Variants in PCDH9 observed in about 807,000 individuals in gnomAD.
The protein encoded by PCDH9 is protocadherin-9.
Under a neutral mutation model 70.6 loss-of-function variants are expected in PCDH9, and 24 were observed. The observed-to-expected ratio is 0.34, with a 90% CI of 0.25 to 0.48. The LOEUF (loss-of-function observed/expected upper bound fraction) is 0.48. PCDH9 is among the 20% of genes least tolerant of loss of function. The pLI, the probability that PCDH9 is intolerant of heterozygous loss-of-function variation, is 0.99. For synonymous variants in PCDH9, 562 were observed against 558.5 expected (o/e 1.01, Z -0.09); for missense variants, 1,281 against 1,503.6 (o/e 0.85, Z 2.45).
Position 67,141,141 on chromosome 13 carries a change from G to C in PCDH9, c.3036+84264C>G, listed in dbSNP as rs529252936. On this transcript the variant is annotated intron_variant, in intron 2 of 4. Coordinates refer to ENST00000377865, the MANE Select transcript of PCDH9 (RefSeq NM_203487.3). ...GAGTTTAGAATGGCTTTATCATTTTGTTTGGAATTCCAAAAAGCCTTACGA... is the reference window on the plus strand; with the variant it reads ...GAGTTTAGAATGGCTTTATCATTTTCTTTGGAATTCCAAAAAGCCTTACGA... Among the ~76,000 whole-genome samples, 3 of 152,272 alleles carry C rather than the reference G, an allele frequency of 2.0e-5. No homozygotes were observed. In the East Asian group the frequency reaches 5.8e-4, roughly 29 times the overall value.
At chr13:66,567,001 A>T (rs1369236775) in intron 4 of PCDH9, among the ~76,000 whole-genome samples, 1 of 152,180 alleles carries the variant, frequency 6.6e-6, no homozygotes, top group Admixed American at 6.5e-5. Flanking sequence ...AGGCAAAATA[A>T]AAATGATATA....
chr13:66,593,700 A>G (rs1405003980), intron 4 of PCDH9, among the ~76,000 whole-genome samples: 1 of 151,758 alleles, frequency 6.6e-6, no homozygotes, highest in Non-Finnish European at 1.5e-5. Context: ...TTCTTTTTGA[A>G]GCAGGAAGGG....
intron 4 of PCDH9, among the ~76,000 whole-genome samples, chr13:66,412,392 T>G (rs1240797520): frequency 1.3e-5 from 2 of 152,164 alleles, no homozygotes; most frequent in Non-Finnish European, 2.9e-5. Flanking sequence ...TGCACTACAT[T>G]AAGAGAAACA....
intron 2 of PCDH9, among the ~76,000 whole-genome samples, chr13:67,027,366 T>G (rs961584139): frequency 6.6e-6 from 1 of 152,208 alleles, no homozygotes; most frequent in South Asian, 2.1e-4. Flanking sequence ...GCTAGCCATA[T>G]GTAGAAAGCT....
intron 4 of PCDH9, among the ~76,000 whole-genome samples, chr13:66,576,609 A>T (rs576650170): frequency 6.6e-6 from 1 of 152,230 alleles, no homozygotes; most frequent in African/African-American, 2.4e-5. Context: ...TTTTGGAATC[A>T]TAATTACGTA....
intron 4 of PCDH9, among the ~76,000 whole-genome samples, chr13:66,428,627 A>G (rs1957714830): frequency 1.3e-5 from 2 of 151,886 alleles, no homozygotes; most frequent in African/African-American, 4.8e-5. Context: ...AATAATGTCT[A>G]CCATAAAGCT....
At chr13:66,622,348 A>G (rs924791244) in intron 4 of PCDH9, among the ~76,000 whole-genome samples, 1 of 152,276 alleles carries the variant, frequency 6.6e-6, no homozygotes, top group Non-Finnish European at 1.5e-5. Context: ...ACAGCGTGGG[A>G]CTGGCAGGCA....
At chr13:66,528,888 T>C (rs1270366726) in intron 4 of PCDH9, among the ~76,000 whole-genome samples, 1 of 152,100 alleles carries the variant, frequency 6.6e-6, no homozygotes, top group East Asian at 1.9e-4. Flanking sequence ...ATGAATGTGT[T>C]TTTTAAAAAA....
At position 66,903,549 on chromosome 13, in the gene PCDH9, G is replaced by A. The variant is rs765327426; in HGVS notation, c.3093C>T (p.Ser1031=). The part of the protein sequence containing the change: ...NIPVTPQKCP[S]STGFHIQENE... Reference sequence around the variant, plus strand: ...TCTCCTGAATGTGGAAACCCGTGGAGCTGGGACATTTCTGAGGAGTGACAG... The same window carrying A: ...TCTCCTGAATGTGGAAACCCGTGGAACTGGGACATTTCTGAGGAGTGACAG... Residue 1031 remains serine (S), a synonymous_variant, in exon 3 of 5, where the codon AGC becomes AGT. Transcript: ENST00000377865. The A allele has an allele frequency of 1.9e-6, 3 of 1,585,410 alleles. No individual in the cohort carries two copies. The highest frequency in any genetic ancestry group is 2.6e-6 in the Non-Finnish European group (3 of 1,155,218).
intron 4 of PCDH9, among the ~76,000 whole-genome samples, chr13:66,603,952 T>G (rs181650146): frequency 1.3e-5 from 2 of 152,176 alleles, no homozygotes; most frequent in South Asian, 2.1e-4. Flanking sequence ...TGGTAATATT[T>G]TCTTAAATTA....
At position 66,923,833 on chromosome 13, in the gene PCDH9, G is replaced by A. The variant is rs187140743; in HGVS notation, c.3037-20228C>T. On this transcript the variant is annotated intron_variant, in intron 2 of 4. Transcript: ENST00000377865. Reference sequence around the variant, plus strand: ...CTAGCATCTGCAAAAATTTATTAATGCATCTCCACAATTATTTCATTTTAC... The same window carrying A: ...CTAGCATCTGCAAAAATTTATTAATACATCTCCACAATTATTTCATTTTAC... Among the ~76,000 whole-genome samples the A allele has an allele frequency of 4.9e-4, 75 of 151,704 alleles. 1 individual carries two copies. The East Asian group carries it at 0.01, about 21-fold the overall frequency.
chr13:66,806,025 A>T (rs1321456253), intron 3 of PCDH9, among the ~76,000 whole-genome samples: 2 of 147,542 alleles, frequency 1.4e-5, no homozygotes, highest in African/African-American at 2.7e-5. Flanking sequence ...TTATGCACAC[A>T]AAATATATAT....
At position 67,075,009 on chromosome 13, in the gene PCDH9, A is replaced by G. The variant is rs114163884; in HGVS notation, c.3036+150396T>C. Reference sequence around the variant, plus strand: ...TTTTTAGGTGCCATCTGTTGTCCCAATGGAATATGGATCAATTGTCATGGG... The same window carrying G: ...TTTTTAGGTGCCATCTGTTGTCCCAGTGGAATATGGATCAATTGTCATGGG... On this transcript the variant is annotated intron_variant, in intron 2 of 4. Coordinates refer to ENST00000377865, the MANE Select transcript of PCDH9 (RefSeq NM_203487.3). Among the ~76,000 whole-genome samples the G allele has an allele frequency of 7.6e-3, 1,149 of 151,976 alleles. 17 individuals carry two copies. Among genetic ancestry groups the G allele is most frequent in the African/African-American group, 0.026 (1,062 of 41,458 alleles).
rs1266600564 is a variant in PCDH9 at position 66,332,737 on chromosome 13, A to T, written c.3341-27709T>A. Among the ~76,000 whole-genome samples, 3 of 152,114 alleles carry T rather than the reference A, an allele frequency of 2.0e-5. No homozygotes were observed. In the East Asian group the frequency reaches 5.8e-4, roughly 29 times the overall value. Reference sequence around the variant, plus strand: ...CAGGAAGGACATTCTGGGCAACAGGAACCAGAGGAGAAGGGGACAGAGCAG... The same window carrying T: ...CAGGAAGGACATTCTGGGCAACAGGTACCAGAGGAGAAGGGGACAGAGCAG... On this transcript the variant is annotated intron_variant, in intron 4 of 4. Coordinates refer to ENST00000377865, the MANE Select transcript of PCDH9 (RefSeq NM_203487.3).
intron 3 of PCDH9, among the ~76,000 whole-genome samples, chr13:66,695,528 A>G (rs897539979): frequency 1.4e-4 from 22 of 152,208 alleles, no homozygotes; most frequent in African/African-American, 5.3e-4. Context: ...GAAATTTTCT[A>G]TGCTAGAAGT....
intron 2 of PCDH9, among the ~76,000 whole-genome samples, chr13:66,997,568 T>G (rs2084145475): frequency 6.7e-6 from 1 of 149,402 alleles, no homozygotes; most frequent in Non-Finnish European, 1.5e-5. Context: ...GGAGTCTCAC[T>G]CTGTTGCCCA....
chr13:66,708,420 T>TC (rs370828862), intron 3 of PCDH9, among the ~76,000 whole-genome samples: 1 of 150,480 alleles, frequency 6.6e-6, no homozygotes, highest in Non-Finnish European at 1.5e-5. Flanking sequence ...TTTTTTTTTT[T>TC]CTTTCTTAGG....
chr13:67,190,612 G>A (rs1389019990), intron 2 of PCDH9, among the ~76,000 whole-genome samples: 3 of 151,954 alleles, frequency 2.0e-5, no homozygotes, highest in African/African-American at 7.2e-5. Context: ...TCAGAATCCA[G>A]TAAAAAGCTG....
intron 4 of PCDH9, among the ~76,000 whole-genome samples, chr13:66,391,034 A>G (rs1300416296): frequency 6.6e-6 from 1 of 152,168 alleles, no homozygotes; most frequent in African/African-American, 2.4e-5. Flanking sequence ...AGCTCAAATG[A>G]CAGCTTTAAG....
Sources: gnomAD v4.1 joint callset for allele counts (sites outside exome capture counted in the v4.1 genomes callset) on GRCh38, gnomAD v4.1.1 for gene constraint, MANE v1.5 for transcripts, NCBI Gene and HGNC (gene_info 2026-07-23, HGNC 2026-07-21) for gene names.